ERC2: variants seen among roughly 807,000 people sequenced by gnomAD.
ERC2 encodes ERC protein 2.
ERC2 carries 42 observed loss-of-function variants against 114.8 expected under a neutral mutation model. The observed-to-expected ratio is 0.37, with a 90% CI of 0.29 to 0.47. The LOEUF (loss-of-function observed/expected upper bound fraction) is 0.47. Ranked by LOEUF, ERC2 falls within the 20% of genes least tolerant of loss-of-function variation. ERC2 has a pLI of 0.99. For missense variants in ERC2, 939 were observed against 1,150.7 expected (o/e 0.82, Z 2.66); for synonymous variants, 454 against 425.5 (o/e 1.07, Z -0.82).
At chr3:55,710,400 T>A (rs955867584) in intron 15 of ERC2, among the ~76,000 whole-genome samples, 1 of 152,170 alleles carries the variant, frequency 6.6e-6, no homozygotes, top group Non-Finnish European at 1.5e-5. Flanking sequence ...AATCTGTGTG[T>A]GAATCTGACA....
chr3:56,052,374 T>C (rs2075813912), intron 7 of ERC2, among the ~76,000 whole-genome samples: 1 of 152,248 alleles, frequency 6.6e-6, no homozygotes, highest in Non-Finnish European at 1.5e-5. Context: ...AGTATGCTAA[T>C]GCGCAGGGTC....
chr3:56,186,409 T>C (rs1427731417), intron 3 of ERC2, among the ~76,000 whole-genome samples: 1 of 152,188 alleles, frequency 6.6e-6, no homozygotes, highest in Non-Finnish European at 1.5e-5. Context: ...ACACTGGCCT[T>C]TGTTCTACTC....
intron 14 of ERC2, among the ~76,000 whole-genome samples, chr3:55,858,994 C>G (rs1347460126): frequency 6.6e-6 from 1 of 152,210 alleles, no homozygotes; most frequent in Non-Finnish European, 1.5e-5. Flanking sequence ...GGCTCCTTTA[C>G]AGCCCCAGTG....
chr3:56,311,655 A>C (rs1272775652), intron 2 of ERC2, among the ~76,000 whole-genome samples: 1 of 152,016 alleles, frequency 6.6e-6, no homozygotes, highest in Non-Finnish European at 1.5e-5. Context: ...GCAATTTTGA[A>C]ATGTATAATA....
At chr3:55,513,755 C>G (rs781666614) in intron 17 of ERC2, among the ~76,000 whole-genome samples, 10 of 152,034 alleles carry the variant, frequency 6.6e-5, no homozygotes, top group Non-Finnish European at 1.3e-4. Context: ...TAGCTCAGCC[C>G]CTCAAGGAGC....
intron 17 of ERC2, among the ~76,000 whole-genome samples, chr3:55,593,432 A>G (rs921387261): frequency 3.3e-5 from 5 of 152,162 alleles, no homozygotes; most frequent in Admixed American, 3.3e-4. Context: ...TCTTTCCTTC[A>G]TGGTGTCCCT....
intron 2 of ERC2, among the ~76,000 whole-genome samples, chr3:56,322,963 G>A (rs1165564985): frequency 6.6e-6 from 1 of 152,142 alleles, no homozygotes; most frequent in Non-Finnish European, 1.5e-5. Context: ...CATCTCACAG[G>A]AGTGAGTTCC....
At chr3:55,519,994 G>A (rs1232470340) in intron 17 of ERC2, among the ~76,000 whole-genome samples, 4 of 151,510 alleles carry the variant, frequency 2.6e-5, no homozygotes, top group African/African-American at 7.3e-5. Context: ...GGTCAAGGCT[G>A]CAGTGAGCCA....
chr3:55,576,916 C>A (rs572780034), intron 17 of ERC2, among the ~76,000 whole-genome samples: 1 of 152,368 alleles, frequency 6.6e-6, no homozygotes, highest in East Asian at 1.9e-4. Flanking sequence ...GAGCCCTGTT[C>A]AGAGTCCTGG....
At chr3:56,032,528 A>T (rs1354207240) in intron 7 of ERC2, among the ~76,000 whole-genome samples, 1 of 152,192 alleles carries the variant, frequency 6.6e-6, no homozygotes, top group Non-Finnish European at 1.5e-5. Context: ...GGAAATGAGT[A>T]TTCAGATCCG....
At chr3:56,159,621 C>T (rs990170408) in intron 4 of ERC2, among the ~76,000 whole-genome samples, 33 of 152,140 alleles carry the variant, frequency 2.2e-4, no homozygotes, top group African/African-American at 8.0e-4. Context: ...AGGCATTAAG[C>T]ATAGTACTCA....
chr3:55,668,847 A>G (rs952322715), intron 17 of ERC2, among the ~76,000 whole-genome samples: 3 of 152,238 alleles, frequency 2.0e-5, no homozygotes, highest in South Asian at 4.1e-4. Context: ...TAACTTGAGT[A>G]AAACTACTCA....
chr3:56,336,737 C>T (rs1486758122), intron 2 of ERC2, among the ~76,000 whole-genome samples: 1 of 152,112 alleles, frequency 6.6e-6, no homozygotes, highest in Non-Finnish European at 1.5e-5. Flanking sequence ...GTGGAAGTTG[C>T]AGTGAGCCAA....
intron 3 of ERC2, among the ~76,000 whole-genome samples, chr3:56,251,581 A>G (rs902720950): frequency 6.6e-6 from 1 of 152,222 alleles, no homozygotes; most frequent in African/African-American, 2.4e-5. Flanking sequence ...TTGCTAAGCA[A>G]CATTTGGATG....
intron 3 of ERC2, among the ~76,000 whole-genome samples, chr3:56,261,561 T>G (rs2052931145): frequency 6.6e-6 from 1 of 152,198 alleles, no homozygotes; most frequent in Non-Finnish European, 1.5e-5. Flanking sequence ...GTGTTCTCAC[T>G]CGAGCTTTTC....
intron 2 of ERC2, among the ~76,000 whole-genome samples, chr3:56,315,481 GATT>G (rs2056820895): frequency 6.6e-6 from 1 of 152,138 alleles, no homozygotes; most frequent in African/African-American, 2.4e-5. Context: ...ATCTGTTTGA[GATT>G]ATTTTATTGT....
rs10662566 is a variant in ERC2 at position 55,994,647 on chromosome 3, T to TAAAAAAAAAAAAAAAAAAAAAAAAA, written c.2062-2422_2062-2398dup. On this transcript the variant is annotated intron_variant, in intron 10 of 17. Coordinates refer to ENST00000288221, the MANE Select transcript of ERC2 (RefSeq NM_015576.3). ...CATTGACAAGATACTACATACTCCC[T>TAAAAAAAAAAAAAAAAAAAAAAAAA]AAAAAAAAAAAAAAAAAAAAAAAAA... Among the ~76,000 whole-genome samples, 5 of 61,396 alleles carry TAAAAAAAAAAAAAAAAAAAAAAAAA rather than the reference T, an allele frequency of 8.1e-5. 2 individuals are homozygous for TAAAAAAAAAAAAAAAAAAAAAAAAA. The highest frequency in any genetic ancestry group is 1.4e-4 in the Non-Finnish European group (5 of 36,928). 40.3% of individuals were successfully genotyped at this position (61,396 alleles called of 152,430 possible).
chr3:56,034,293 T>C (rs1416331139), intron 7 of ERC2, among the ~76,000 whole-genome samples: 1 of 152,032 alleles, frequency 6.6e-6, no homozygotes, highest in Admixed American at 6.6e-5. Flanking sequence ...ACTATAAATA[T>C]ATATATATAT....
At chr3:56,384,483 C>T (rs1292737011) in intron 2 of ERC2, among the ~76,000 whole-genome samples, 1 of 152,048 alleles carries the variant, frequency 6.6e-6, no homozygotes, top group Non-Finnish European at 1.5e-5. Context: ...GCTTGTTGGC[C>T]ATCTGTATGT....
Sources: allele counts gnomAD v4.1 joint callset (sites outside exome capture counted in the v4.1 genomes callset), GRCh38; gene constraint gnomAD v4.1.1; transcripts MANE v1.5; gene names NCBI Gene and HGNC (gene_info 2026-07-23, HGNC 2026-07-21).